Variants in MDGA2 observed in about 807,000 individuals in gnomAD.
The protein encoded by MDGA2 is MAM domain-containing glycosylphosphatidylinositol anchor protein 2.
In MDGA2, 40 loss-of-function variants were observed where a neutral mutation model predicts 117.8. The ratio of observed to expected loss-of-function variants is 0.34; its 90% confidence interval spans 0.26 to 0.44. The LOEUF (loss-of-function observed/expected upper bound fraction) is 0.44, where lower values mean the gene tolerates loss of function less well. Ranked by LOEUF, MDGA2 falls within the 20% of genes least tolerant of loss-of-function variation. The pLI is 1.00. For synonymous variants in MDGA2, 452 were observed against 439.0 expected, an observed-to-expected ratio of 1.03 and a Z score of -0.37; for missense variants, 1,123 against 1,250.6, an observed-to-expected ratio of 0.90 and a Z score of 1.54.
At chr14:47,271,720 A>G (rs945516218) in intron 2 of MDGA2, among the ~76,000 whole-genome samples, 1 of 152,222 alleles carries the variant, frequency 6.6e-6, no homozygotes, top group African/African-American at 2.4e-5. Context: ...GAAAATAGCT[A>G]AAAAACTTTA....
intron 4 of MDGA2, among the ~76,000 whole-genome samples, chr14:47,136,701 C>T (rs933853780): frequency 3.3e-5 from 5 of 152,104 alleles, no homozygotes; most frequent in African/African-American, 1.2e-4. Flanking sequence ...AATGAGATCA[C>T]TTCAAATTCT....
In MDGA2 at chr14:46,880,228, G is replaced by A. The variant is rs550142281; in HGVS notation, c.2416+1816C>T. Among the ~76,000 whole-genome samples, 29 of 152,098 alleles carry A rather than the reference G, an allele frequency of 1.9e-4. No homozygotes were observed. The South Asian group carries it at 5.8e-3, about 30-fold the overall frequency. The stretch of plus-strand genomic sequence containing the variant: ...TAATACCAGCTACTGGGGAGGCTGA[G>A]GCAGGAGATTCACTTGAACTCAAGA... On this transcript the variant is annotated intron_variant, in intron 11 of 16. Transcript: ENST00000399232.
intron 1 of MDGA2, among the ~76,000 whole-genome samples, chr14:47,323,406 A>C (rs1463370413): frequency 6.6e-6 from 1 of 151,810 alleles, no homozygotes; most frequent in Non-Finnish European, 1.5e-5. Context: ...CAGGAAGATC[A>C]CTAGAGGTCA....
intron 1 of MDGA2, among the ~76,000 whole-genome samples, chr14:47,438,650 G>A (rs1892943329): frequency 6.6e-6 from 1 of 152,128 alleles, no homozygotes; most frequent in Non-Finnish European, 1.5e-5. Context: ...CAACTCCCAA[G>A]CTGGAAGGAG....
chr14:47,363,960 A>G (rs1891179113), intron 1 of MDGA2, among the ~76,000 whole-genome samples: 1 of 152,174 alleles, frequency 6.6e-6, no homozygotes, highest in Non-Finnish European at 1.5e-5. Context: ...TATACCTTAA[A>G]GTGTTCATAA....
intron 1 of MDGA2, among the ~76,000 whole-genome samples, chr14:47,667,623 A>C (rs1897998883): frequency 6.6e-6 from 1 of 152,190 alleles, no homozygotes; most frequent in African/African-American, 2.4e-5. Flanking sequence ...CATTATTTAA[A>C]GGGTAGATAC....
intron 1 of MDGA2, among the ~76,000 whole-genome samples, chr14:47,639,734 G>C (rs1361331825): frequency 6.6e-6 from 1 of 152,056 alleles, no homozygotes; most frequent in African/African-American, 2.4e-5. Flanking sequence ...CTGCTTCCCA[G>C]TCTCTCATTC....
chr14:47,473,070 G>A (rs1008186680), intron 1 of MDGA2, among the ~76,000 whole-genome samples: 2 of 152,108 alleles, frequency 1.3e-5, no homozygotes, highest in African/African-American at 4.8e-5. Context: ...CATGATCCAG[G>A]TTATTTATAA....
Position 47,537,574 on chromosome 14 carries a change from T to TAAA in MDGA2, c.280+136940_280+136942dup, listed in dbSNP as rs58060138. Among the ~76,000 whole-genome samples the TAAA allele has an allele frequency of 1.3e-3, 47 of 36,602 alleles. 1 individual carries two copies. Among genetic ancestry groups the TAAA allele is most frequent in the Non-Finnish European group, 2.3e-3 (41 of 17,818 alleles). The allele number at this position is 36,602 out of a possible 152,430, so 24.0% of individuals were successfully genotyped here. A position where few individuals can be genotyped will look rare whatever the true frequency, so the allele number is the denominator to read the frequency against. On this transcript the variant is annotated intron_variant, in intron 1 of 16. Coordinates refer to ENST00000399232, the MANE Select transcript of MDGA2 (RefSeq NM_001113498.3). Reference sequence around the variant, plus strand: ...TTATCCACTGTTACCTTCTCTCTGTTAAAAAAAAAAAAAAAAAAAAAAAAA... The same window carrying TAAA: ...TTATCCACTGTTACCTTCTCTCTGTTAAAAAAAAAAAAAAAAAAAAAAAAAAAA...
intron 1 of MDGA2, among the ~76,000 whole-genome samples, chr14:47,486,460 G>T (rs1267549030): frequency 6.6e-6 from 1 of 152,128 alleles, no homozygotes; most frequent in Non-Finnish European, 1.5e-5. Context: ...TTGGACTCTG[G>T]ACTTTTGAGT....
At chr14:46,946,565 C>T (rs1885178134) in intron 9 of MDGA2, among the ~76,000 whole-genome samples, 1 of 151,970 alleles carries the variant, frequency 6.6e-6, no homozygotes, top group Admixed American at 6.6e-5. Context: ...AATATTCATT[C>T]AATAAATGGA....
At chr14:46,890,237 C>T (rs1384442513) in intron 10 of MDGA2, among the ~76,000 whole-genome samples, 1 of 151,974 alleles carries the variant, frequency 6.6e-6, no homozygotes, top group African/African-American at 2.4e-5. Context: ...CATTTGTCAC[C>T]TTTCTTGTTT....
chr14:46,969,930 TTCCATATATATATATATATATATATATA>T (rs1438218943), intron 8 of MDGA2, among the ~76,000 whole-genome samples: 11 of 135,814 alleles, frequency 8.1e-5, no homozygotes, highest in African/African-American at 2.2e-4. Flanking sequence ...ACTTAAAGTA[TTCCATATATATATATATATATATATATA>T]TATATATATA....
intron 1 of MDGA2, among the ~76,000 whole-genome samples, chr14:47,537,569 T>A (rs1344901708): frequency 1.1e-5 from 1 of 87,216 alleles, no homozygotes; most frequent in Non-Finnish European, 2.3e-5. Flanking sequence ...TTACCTTCTC[T>A]CTGTTAAAAA....
intron 1 of MDGA2, among the ~76,000 whole-genome samples, chr14:47,432,113 G>A (rs891058314): frequency 1.3e-5 from 2 of 151,592 alleles, no homozygotes; most frequent in East Asian, 3.9e-4. Flanking sequence ...TAACCTATGG[G>A]TGCTGTGCAC....
At chr14:47,218,648 ATTTGAATAG>A (rs910987799) in intron 2 of MDGA2, among the ~76,000 whole-genome samples, 2 of 151,726 alleles carry the variant, frequency 1.3e-5, no homozygotes, top group Non-Finnish European at 2.9e-5. Context: ...TTTCTATTTG[ATTTGAATAG>A]TTTAGACATA....
At chr14:47,452,187 C>A (rs558261994) in intron 1 of MDGA2, among the ~76,000 whole-genome samples, 2 of 151,980 alleles carry the variant, frequency 1.3e-5, no homozygotes, top group East Asian at 3.9e-4. Context: ...CCCTCCCCCA[C>A]CACACAAACT....
chr14:47,071,618 T>C (rs1429642384), intron 6 of MDGA2, among the ~76,000 whole-genome samples: 3 of 152,080 alleles, frequency 2.0e-5, no homozygotes, highest in Non-Finnish European at 4.4e-5. Flanking sequence ...GCTGGTGGTA[T>C]AGACATACTT....
chr14:47,156,080 G>T (rs1389849075), intron 3 of MDGA2, among the ~76,000 whole-genome samples: 1 of 151,146 alleles, frequency 6.6e-6, no homozygotes, highest in Non-Finnish European at 1.5e-5. Flanking sequence ...GCTAATTTTT[G>T]TATTTTTAGT....
Sources: gnomAD v4.1 joint callset for allele counts (sites outside exome capture counted in the v4.1 genomes callset) on GRCh38, gnomAD v4.1.1 for gene constraint, MANE v1.5 for transcripts, NCBI Gene and HGNC (gene_info 2026-07-23, HGNC 2026-07-21) for gene names.